MIB1: variants seen among roughly 807,000 people sequenced by gnomAD.
The protein encoded by MIB1 is E3 ubiquitin-protein ligase MIB1.
Under a neutral mutation model 124.5 loss-of-function variants are expected in MIB1, and 278 were observed. The observed-to-expected ratio is 2.23, with a 90% CI of 2.02 to 2.47. MIB1 has a LOEUF of 2.47. Ranked by LOEUF, MIB1 falls within the 30% of genes most tolerant of loss-of-function variation. The pLI is 0.00. For missense variants in MIB1, 957 were observed against 1,254.4 expected, an observed-to-expected ratio of 0.76 and a Z score of 3.58; for synonymous variants, 446 against 429.4, an observed-to-expected ratio of 1.04 and a Z score of -0.48.
chr18:21,859,598 A>C lies in MIB1; in HGVS notation c.2880+952A>C, dbSNP rs556613258. ...ATTTCTATATACATGTGATACTTTA[A>C]TAGAAAGGGGCCGGGCGTGGTGGCT... On this transcript the variant is annotated intron_variant, in intron 20 of 20. Transcript: ENST00000261537. 5.3e-5 allele frequency among the ~76,000 whole-genome samples: 8 copies of C among 151,846 alleles called. No individual in the cohort carries two copies. The East Asian group carries it at 1.2e-3, about 22-fold the overall frequency.
chr18:21,755,106 A>G (rs1193413292), intron 1 of MIB1, among the ~76,000 whole-genome samples: 1 of 151,414 alleles, frequency 6.6e-6, no homozygotes, highest in Non-Finnish European at 1.5e-5. Flanking sequence ...GGGGTGGTGT[A>G]TTATGTGGTT....
intron 6 of MIB1, among the ~76,000 whole-genome samples, chr18:21,789,917 C>T (rs1408312932): frequency 6.6e-6 from 1 of 152,044 alleles, no homozygotes; most frequent in East Asian, 1.9e-4. Flanking sequence ...GACAAGGGAA[C>T]CTTTACTCTT....
chr18:21,730,314 C>T (rs144367738), intron 1 of MIB1, among the ~76,000 whole-genome samples: 1 of 152,220 alleles, frequency 6.6e-6, no homozygotes, highest in Non-Finnish European at 1.5e-5. Context: ...TGCCTGTAAT[C>T]CCAGCACTTC....
intron 1 of MIB1, among the ~76,000 whole-genome samples, chr18:21,723,254 T>A (rs909144063): frequency 4.6e-5 from 7 of 152,190 alleles, no homozygotes; most frequent in African/African-American, 1.7e-4. Context: ...TTGTTTTTTT[T>A]AAGCAATTCT....
rs1384586828 is a variant in MIB1, at chr18:21,864,535, CCT to C, written c.2891_2892del (p.Pro964ArgfsTer27). 1.2e-6 allele frequency: 2 copies of C among 1,611,656 alleles called. No homozygotes were observed. Among genetic ancestry groups the C allele is most frequent in the Non-Finnish European group, 1.7e-6 (2 of 1,178,224 alleles). On this transcript the variant is annotated frameshift_variant, in exon 21 of 21. Transcript: ENST00000261537. LOFTEE classifies it high-confidence loss of function. ...TTATCTCACATTACAGACAATGTGC[CCT>C]GTGTGTCTAGATCGTCTGAAGAATA... Reference protein sequence around the residue: ...LQDIKEQTMCPVCLDRLKNMI... With the variant: ...LQDIKEQTMCXVCLDRLKNMI...
intron 15 of MIB1, among the ~76,000 whole-genome samples, chr18:21,846,400 A>C (rs2042134601): frequency 6.6e-6 from 1 of 152,218 alleles, no homozygotes; most frequent in Admixed American, 6.5e-5. Flanking sequence ...AAATGTTAAC[A>C]GTTATTGTGA....
At chr18:21,797,422 T>G (rs1226866710) in intron 7 of MIB1, among the ~76,000 whole-genome samples, 2 of 152,246 alleles carry the variant, frequency 1.3e-5, no homozygotes, top group South Asian at 2.1e-4. Context: ...TGAAAATGTC[T>G]AATAGGCTGT....
rs1397467676 is a variant in MIB1 at position 21,741,967 on chromosome 18, A to G, written c.229+155A>G. ...AAAGGCAAAGCGCCAAAGGAATTCT[A>G]GGTTCCGAACGGGTGAACAAACACT... On this transcript the variant is annotated intron_variant, in intron 1 of 20. Transcript: ENST00000261537. The surrounding 1 kb of genome is among the most constrained non-coding windows in gnomAD (Gnocchi z 5.4). Among the ~76,000 whole-genome samples, 1 of 152,204 alleles carries G rather than the reference A, an allele frequency of 6.6e-6. No homozygotes were observed. The highest frequency in any genetic ancestry group is 1.9e-4 in the East Asian group (1 of 5,192).
intron 14 of MIB1, 91 bp downstream of exon 14, chr18:21,843,308 C>A (rs1425750826): frequency 5.1e-6 from 4 of 787,748 alleles, no homozygotes; most frequent in East Asian, 2.9e-5. Flanking sequence ...TACAGTGTTA[C>A]ATGTCTCAAG....
chr18:21,781,681 C>T (rs957300260), intron 6 of MIB1, among the ~76,000 whole-genome samples: 3 of 151,856 alleles, frequency 2.0e-5, no homozygotes, highest in Non-Finnish European at 4.4e-5. Flanking sequence ...TCCCAAAGTG[C>T]TGAGATTACA....
At chr18:21,766,114 G>T (rs1568192418) in intron 2 of MIB1, among the ~76,000 whole-genome samples, 171 bp downstream of exon 2, 1 of 152,192 alleles carries the variant, frequency 6.6e-6, no homozygotes, top group Non-Finnish European at 1.5e-5. Context: ...AACAAGAGAA[G>T]AGCTCTTTGA....
chr18:21,844,969 G>A lies in MIB1; in HGVS notation c.2211+716G>A, dbSNP rs1001071528. 7.3e-5 allele frequency among the ~76,000 whole-genome samples: 11 copies of A among 151,352 alleles called. No homozygotes were observed. In the East Asian group the frequency reaches 1.7e-3, roughly 24 times the overall value. ...ATCGGAATACAAGTTCTTTATATGT[G>A]AATGCACATATTTTCTCCCAGTTGG... is the stretch of plus-strand genomic sequence containing the variant. On this transcript the variant is annotated intron_variant, in intron 15 of 20. Transcript: ENST00000261537.
At position 21,801,983 on chromosome 18, in the gene MIB1, G is replaced by C. The variant is rs189615055; in HGVS notation, c.1372-1924G>C. ...TTTTCTCTCTTTTTGGTGAAGTAAG[G>C]TTTTTATTAGCTTCTGAGAAAGGAT... On this transcript the variant is annotated intron_variant, in intron 9 of 20. Coordinates refer to ENST00000261537, the MANE Select transcript of MIB1 (RefSeq NM_020774.4). Among the ~76,000 whole-genome samples, 85 of 152,152 alleles carry C rather than the reference G, an allele frequency of 5.6e-4. 1 individual carries two copies. Among genetic ancestry groups the C allele is most frequent in the African/African-American group, 2.0e-3 (82 of 41,524 alleles).
rs116400197 is a variant in MIB1, at chr18:21,849,736, A to G, written c.2586+348A>G. ...TACCATTTTGCTTTCAAAGCTCCCT[A>G]TAACCTAAGGATACATTTACTTCCA... On this transcript the variant is annotated intron_variant, in intron 17 of 20. Coordinates refer to ENST00000261537, the MANE Select transcript of MIB1 (RefSeq NM_020774.4). Among the ~76,000 whole-genome samples the G allele has an allele frequency of 9.9e-3, 1,509 of 152,242 alleles. 23 individuals are homozygous for G. Among genetic ancestry groups the G allele is most frequent in the African/African-American group, 0.033 (1,390 of 41,544 alleles).
At chr18:21,825,928 C>G (rs2146486138) in intron 12 of MIB1, 1 of 341,934 alleles carries the variant, frequency 2.9e-6, no homozygotes, top group Non-Finnish European at 5.8e-6. Flanking sequence ...AGTCACTTTC[C>G]TACTGTTTTC....
intron 6 of MIB1, among the ~76,000 whole-genome samples, chr18:21,787,617 TA>T (rs1370127744): frequency 1.3e-5 from 2 of 152,126 alleles, no homozygotes; most frequent in Non-Finnish European, 1.5e-5. Flanking sequence ...GCCTGGTAGA[TA>T]GGGGGAAGGA....
chr18:21,848,042 T>G (rs1598641018), intron 16 of MIB1, among the ~76,000 whole-genome samples: 1 of 152,228 alleles, frequency 6.6e-6, no homozygotes, highest in Non-Finnish European at 1.5e-5. Context: ...AATTTATGTG[T>G]AGTGATGAAA....
At chr18:21,806,899 G>A (rs544272828) in intron 10 of MIB1, among the ~76,000 whole-genome samples, 18 of 152,322 alleles carry the variant, frequency 1.2e-4, no homozygotes, top group African/African-American at 4.1e-4. Context: ...GGGATTACAG[G>A]CGTGAGCCAC....
intron 7 of MIB1, among the ~76,000 whole-genome samples, chr18:21,795,334 AT>A (rs2041563937): frequency 1.5e-5 from 2 of 137,296 alleles, no homozygotes; most frequent in South Asian, 2.1e-4. Flanking sequence ...ATATAAATAT[AT>A]AATATATATA....
Sources: allele counts gnomAD v4.1 joint callset (sites outside exome capture counted in the v4.1 genomes callset), GRCh38; gene constraint gnomAD v4.1.1; non-coding constraint Gnocchi (gnomAD v3.1); transcripts MANE v1.5; gene names NCBI Gene and HGNC (gene_info 2026-07-23, HGNC 2026-07-21).